The following SNX2 variants were observed in gnomAD, a reference collection of about 807,000 sequenced individuals.
SNX2 encodes sorting nexin 2, also known as sorting nexin-2.
SNX2 carries 25 observed loss-of-function variants against 69.9 expected under a neutral mutation model. The ratio of observed to expected loss-of-function variants is 0.36; its 90% CI spans 0.26 to 0.50. The LOEUF (loss-of-function observed/expected upper bound fraction) is 0.50. Ranked by LOEUF, SNX2 falls within the 20% of genes least tolerant of loss-of-function variation. The pLI is 0.97. For synonymous variants in SNX2, 229 were observed against 200.4 expected, an observed-to-expected ratio of 1.14 and a Z score of -1.20; for missense variants, 551 against 613.3, an observed-to-expected ratio of 0.90 and a Z score of 1.07.
intron 1 of SNX2, among the ~76,000 whole-genome samples, chr5:122,794,394 T>C (rs1410541354): frequency 6.6e-6 from 1 of 152,226 alleles, no homozygotes; most frequent in Non-Finnish European, 1.5e-5. Flanking sequence ...CATTTTTAGT[T>C]TGAAGCGATA....
At chr5:122,826,217 C>T in intron 12 of SNX2, 24 bp downstream of exon 12, 1 of 1,585,786 alleles carries the variant, frequency 6.3e-7, no homozygotes, top group Non-Finnish European at 8.6e-7. Flanking sequence ...GCTTTAATCT[C>T]TTTACTTAAG....
At chr5:122,798,930 A>T (rs1198101421) in intron 2 of SNX2, among the ~76,000 whole-genome samples, 2 of 152,040 alleles carry the variant, frequency 1.3e-5, no homozygotes, top group African/African-American at 4.8e-5. Flanking sequence ...TAAGTCTTTT[A>T]TTATTATTTA....
chr5:122,782,272 C>G, intron 1 of SNX2, among the ~76,000 whole-genome samples: 1 of 152,076 alleles, frequency 6.6e-6, no homozygotes, highest in Non-Finnish European at 1.5e-5. Flanking sequence ...GAGTCTTGCT[C>G]TGTTGCCCAG....
rs773351519 is a variant in SNX2 at position 122,775,118 on chromosome 5, G to A, written c.15G>A (p.Arg5=). The change falls in exon 1 of 15, where the codon AGG becomes AGA. Residue 5 remains arginine (R), a synonymous_variant. Coordinates refer to ENST00000379516, the MANE Select transcript of SNX2 (RefSeq NM_003100.4). Reference sequence around the variant, plus strand: ...GGTGAGCGAAGATGGCGGCCGAGAGGGAACCTCCTCCGCTGGGGGACGGGA... The same window carrying A: ...GGTGAGCGAAGATGGCGGCCGAGAGAGAACCTCCTCCGCTGGGGGACGGGA... MAAE[R]EPPPLGDGKP... The A allele has an allele frequency of 8.8e-6, 14 of 1,590,944 alleles. No homozygotes were observed. In the East Asian group the frequency reaches 2.3e-4, roughly 26 times the overall value.
At chr5:122,778,054 A>T (rs1003514481) in intron 1 of SNX2, among the ~76,000 whole-genome samples, 1 of 152,210 alleles carries the variant, frequency 6.6e-6, no homozygotes, top group Non-Finnish European at 1.5e-5. Flanking sequence ...ACTTTTACAT[A>T]TGAGTAGGAA....
intron 1 of SNX2, among the ~76,000 whole-genome samples, chr5:122,789,456 CACACACAGACACACACGG>C (rs2150002942): frequency 1.9e-5 from 2 of 105,596 alleles, no homozygotes; most frequent in South Asian, 6.9e-4. Context: ...CACACACACA[CACACACAGACACACACGG>C]ACACACACAC....
chr5:122,810,520 G>T lies in SNX2; in HGVS notation c.722+2165G>T, dbSNP rs1753749455. On this transcript the variant is annotated intron_variant, in intron 7 of 14. Coordinates refer to ENST00000379516, the MANE Select transcript of SNX2 (RefSeq NM_003100.4). The stretch of plus-strand genomic sequence containing the variant: ...GACCTTTCAAGTCTTATTTTTCTAT[G>T]AGTAAATTTGAAGTATTTCAGATGG... Among the ~76,000 whole-genome samples the T allele has an allele frequency of 5.3e-5, 8 of 151,630 alleles. No individual in the cohort carries two copies. In the South Asian group the frequency reaches 1.5e-3, roughly 28 times the overall value.
chr5:122,832,427 CAT>C lies in SNX2; in HGVS notation c.*2781_*2782del, dbSNP rs1754313828. 1 of 152,140 alleles carries C rather than the reference CAT, an allele frequency of 6.6e-6. No homozygotes were observed. The highest frequency in any genetic ancestry group is 2.4e-5 in the African/African-American group (1 of 41,444). The allele number at this position is 152,140 out of a possible 1,614,324, so 9.4% of individuals were successfully genotyped here. On this transcript the variant is annotated 3_prime_UTR_variant, in exon 15 of 15. Coordinates refer to ENST00000379516, the MANE Select transcript of SNX2 (RefSeq NM_003100.4). ...AATGTGTGTAAAAATATGCCTAACA[CAT>C]AGATTTCCTTGATTGTATTTTCTAC...
intron 1 of SNX2, among the ~76,000 whole-genome samples, chr5:122,783,204 C>T (rs1441014582): frequency 6.6e-6 from 1 of 152,126 alleles, no homozygotes; most frequent in Non-Finnish European, 1.5e-5. Context: ...CTCGGCCTCC[C>T]AGACTGCTGG....
chr5:122,815,897 T>C lies in SNX2; in HGVS notation c.724T>C (p.Tyr242His). The change falls in exon 8 of 15, where the codon TAT (tyrosine) becomes CAT (histidine). Residue 242 changes from tyrosine (Y) to histidine (H), a missense_variant and splice_region_variant. Coordinates refer to ENST00000379516, the MANE Select transcript of SNX2 (RefSeq NM_003100.4). ...GAGCAATTTTACTCTTAAATCTAGG[T>C]ATCTTCAAAGAACAGTAAAACATCC... ...VEKRRAALER[Y>H]LQRTVKHPTL... is the part of the protein sequence containing the mutation. 1 of 1,576,924 alleles carries C rather than the reference T, an allele frequency of 6.3e-7. No homozygotes were observed. Among genetic ancestry groups the C allele is most frequent in the South Asian group, 1.2e-5 (1 of 86,378 alleles).
chr5:122,817,446 A>G, intron 10 of SNX2, 73 bp downstream of exon 10: 1 of 963,496 alleles, frequency 1.0e-6, no homozygotes, highest in Non-Finnish European at 1.5e-6. Context: ...ATTTTATGAA[A>G]ATAAATATTC....
intron 1 of SNX2, among the ~76,000 whole-genome samples, chr5:122,792,530 G>A (rs539232128): frequency 1.3e-5 from 2 of 151,958 alleles, no homozygotes; most frequent in African/African-American, 2.4e-5. Flanking sequence ...CCGGGAGGTG[G>A]AGGTTACAGT....
rs921033204 is a variant in SNX2, at chr5:122,832,486, A to T, written c.*2838A>T. ...ATTTTCAAGTATTCAGCTTTATACT[A>T]ATATATTAATCTCAAAATACCTTTG... On this transcript the variant is annotated 3_prime_UTR_variant, in exon 15 of 15. Transcript: ENST00000379516. The T allele has an allele frequency of 1.3e-5, 2 of 152,162 alleles. No homozygotes were observed. Among genetic ancestry groups the T allele is most frequent in the African/African-American group, 4.8e-5 (2 of 41,430 alleles). The allele number at this position is 152,162 out of a possible 1,614,324, so 9.4% of individuals were successfully genotyped here. A position where few individuals can be genotyped will look rare whatever the true frequency, so the allele number is the denominator to read the frequency against.
chr5:122,804,525 C>T (rs1753590058), intron 6 of SNX2, among the ~76,000 whole-genome samples: 1 of 152,012 alleles, frequency 6.6e-6, no homozygotes, highest in Non-Finnish European at 1.5e-5. Flanking sequence ...ACCACCATGC[C>T]TGGCTAATCC....
chr5:122,777,134 T>C (rs1426180756), intron 1 of SNX2, among the ~76,000 whole-genome samples: 5 of 152,228 alleles, frequency 3.3e-5, no homozygotes, highest in Non-Finnish European at 7.3e-5. Flanking sequence ...TACTTCACTT[T>C]TCTTTTAAAC....
At chr5:122,815,678 A>G (rs1753884422) in intron 7 of SNX2, 1 of 315,810 alleles carries the variant, frequency 3.2e-6, no homozygotes, top group South Asian at 9.4e-5. Flanking sequence ...CTTTTTACGT[A>G]ATTATGAAAA....
chr5:122,816,719 C>T (rs1267479694), intron 8 of SNX2, among the ~76,000 whole-genome samples, 196 bp from the exon 9 acceptor site: 1 of 148,564 alleles, frequency 6.7e-6, no homozygotes, highest in Non-Finnish European at 1.5e-5. Flanking sequence ...TTAAGTTTTC[C>T]TTTGAGAATG....
At chr5:122,814,510 G>C (rs1370306466) in intron 7 of SNX2, among the ~76,000 whole-genome samples, 3 of 152,102 alleles carry the variant, frequency 2.0e-5, no homozygotes, top group Admixed American at 6.5e-5. Flanking sequence ...AAAAACAGAA[G>C]TTAACATTTT....
At chr5:122,812,564 T>C (rs1753804094) in intron 7 of SNX2, among the ~76,000 whole-genome samples, 1 of 152,232 alleles carries the variant, frequency 6.6e-6, no homozygotes. Flanking sequence ...CAACCACATC[T>C]TAAATACTTG....
Sources: allele counts gnomAD v4.1 joint callset (sites outside exome capture counted in the v4.1 genomes callset), GRCh38; gene constraint gnomAD v4.1.1; transcripts MANE v1.5; gene names NCBI Gene and HGNC (gene_info 2026-07-23, HGNC 2026-07-21).